The following SBF2 variants were observed in gnomAD, a reference collection of about 807,000 sequenced individuals.
The protein encoded by SBF2 is myotubularin-related protein 13.
SBF2 carries 112 observed loss-of-function variants against 225.2 expected under a neutral mutation model. That is an observed-to-expected ratio of 0.50 (90% confidence interval 0.43 to 0.58). The LOEUF is 0.58. SBF2 is among the 20% of genes least tolerant of loss of function. The probability of loss-of-function intolerance (pLI) is 0.00; values close to 1 mark genes in which losing one functional copy is unlikely to be tolerated. For missense variants in SBF2, 1,996 were observed against 2,206.2 expected (o/e 0.90, Z 1.91); for synonymous variants, 763 against 773.3 (o/e 0.99, Z 0.22).
At chr11:10,257,109 G>A (rs1189019543) in intron 1 of SBF2, among the ~76,000 whole-genome samples, 1 of 152,164 alleles carries the variant, frequency 6.6e-6, no homozygotes, top group African/African-American at 2.4e-5. Flanking sequence ...GAAAGGTTAA[G>A]TTCTTATCCA....
At chr11:10,098,591 G>T (rs1435873843) in intron 2 of SBF2, among the ~76,000 whole-genome samples, 1 of 150,550 alleles carries the variant, frequency 6.6e-6, no homozygotes, top group Non-Finnish European at 1.5e-5. Flanking sequence ...CATAATAATT[G>T]TTTAACAAGC....
At chr11:10,182,988 G>C (rs1319982621) in intron 2 of SBF2, among the ~76,000 whole-genome samples, 1 of 151,926 alleles carries the variant, frequency 6.6e-6, no homozygotes, top group African/African-American at 2.4e-5. Flanking sequence ...GGCCAGGATG[G>C]TCTTGATCTC....
chr11:9,980,610 G>A (rs1180013743), intron 13 of SBF2, among the ~76,000 whole-genome samples: 2 of 150,098 alleles, frequency 1.3e-5, no homozygotes, highest in African/African-American at 2.5e-5. Flanking sequence ...TTTTTAAGAC[G>A]GAGTCTCACT....
chr11:9,993,287 T>C (rs1411698184), intron 10 of SBF2, among the ~76,000 whole-genome samples, 184 bp from the exon 11 acceptor site: 5 of 152,212 alleles, frequency 3.3e-5, no homozygotes, highest in Admixed American at 6.5e-5. Flanking sequence ...CCAGCTTTTA[T>C]TGGAATCACA....
intron 15 of SBF2, among the ~76,000 whole-genome samples, chr11:9,963,120 T>A (rs544256026): frequency 6.6e-6 from 1 of 152,340 alleles, no homozygotes; most frequent in Admixed American, 6.5e-5. Context: ...GTTCCTATAA[T>A]TCATTACATA....
At chr11:10,068,611 T>G (rs571104460) in intron 2 of SBF2, among the ~76,000 whole-genome samples, 13 of 152,300 alleles carry the variant, frequency 8.5e-5, no homozygotes, top group African/African-American at 2.9e-4. Context: ...TACGTAGCTT[T>G]TATAAAAAAC....
At chr11:10,278,655 C>T (rs990867310) in intron 1 of SBF2, among the ~76,000 whole-genome samples, 26 of 151,524 alleles carry the variant, frequency 1.7e-4, no homozygotes, top group African/African-American at 6.3e-4. Flanking sequence ...TGGTGGCAGG[C>T]GCCTGTAATC....
chr11:10,003,544 T>C (rs1208948762), intron 6 of SBF2, among the ~76,000 whole-genome samples: 16 of 152,026 alleles, frequency 1.1e-4, no homozygotes. Context: ...ATTTTTTCTA[T>C]TTTTAGTAGA....
intron 2 of SBF2, among the ~76,000 whole-genome samples, chr11:10,058,455 AC>A (rs1300876491): frequency 6.6e-6 from 1 of 152,222 alleles, no homozygotes; most frequent in Non-Finnish European, 1.5e-5. Flanking sequence ...AGATGGTCAG[AC>A]AAAAATAAGG....
chr11:9,936,004 T>A (rs1334565591), intron 16 of SBF2, among the ~76,000 whole-genome samples: 2 of 152,026 alleles, frequency 1.3e-5, no homozygotes, highest in Non-Finnish European at 2.9e-5. Context: ...GAAACTACCA[T>A]CAGAGTGAAT....
At position 9,963,805 on chromosome 11, in the gene SBF2, T is replaced by A. The variant is rs1283360972; in HGVS notation, c.1678A>T (p.Ile560Leu). 6.2e-7 allele frequency: 1 copy of A among 1,602,688 alleles called. No homozygotes were observed. Among genetic ancestry groups the A allele is most frequent in the South Asian group, 1.1e-5 (1 of 90,366 alleles). ...GTTTCCAAAATTTTATTTTCAAATA[T>A]GAATGAGATACAGTTTCTGACAACT... Reference protein sequence around the residue: ...LEVVRNCISFIFENKILETEK... With the variant: ...LEVVRNCISFLFENKILETEK... Residue 560 changes from isoleucine (I) to leucine (L), a missense_variant, in exon 15 of 40, where the codon ATA becomes TTA. Transcript: ENST00000256190.
chr11:10,254,900 C>CAAAAAAAAAAAAAAAAAAAA lies in SBF2; in HGVS notation c.55+39095_55+39114dup, dbSNP rs71034757. On this transcript the variant is annotated intron_variant, in intron 1 of 39. Transcript: ENST00000256190. ...TGGGTGACAGAGTGAGACTCTGTCT[C>CAAAAAAAAAAAAAAAAAAAA]AAAAAAAAAAAAAAAAAAAAAAAAA... Among the ~76,000 whole-genome samples, 34 of 44,076 alleles carry CAAAAAAAAAAAAAAAAAAAA rather than the reference C, an allele frequency of 7.7e-4. 1 individual carries two copies. Among genetic ancestry groups the CAAAAAAAAAAAAAAAAAAAA allele is most frequent in the East Asian group, 9.3e-4 (1 of 1,070 alleles). 28.9% of individuals were successfully genotyped at this position (44,076 alleles called of 152,430 possible). A position where few individuals can be genotyped will look rare whatever the true frequency, so the allele number is the denominator to read the frequency against.
intron 13 of SBF2, among the ~76,000 whole-genome samples, chr11:9,984,687 CA>C (rs1269112658): frequency 3.3e-5 from 5 of 152,170 alleles, no homozygotes; most frequent in Non-Finnish European, 1.5e-5. Context: ...ACAGAAGCAA[CA>C]GGTAACCTAT....
intron 16 of SBF2, chr11:9,959,126 C>T: frequency 9.4e-7 from 1 of 1,061,302 alleles, no homozygotes; most frequent in Non-Finnish European, 1.5e-6. Flanking sequence ...TCTTCACATA[C>T]ACGATGTAAG....
At chr11:9,897,229 C>T (rs754426113) in intron 16 of SBF2, among the ~76,000 whole-genome samples, 1 of 151,516 alleles carries the variant, frequency 6.6e-6, no homozygotes, top group Admixed American at 6.6e-5. Context: ...ACCACATGGA[C>T]ATTATGTTAG....
chr11:9,809,033 C>T, intron 30 of SBF2, 31 bp from the exon 31 acceptor site: 2 of 1,563,006 alleles, frequency 1.3e-6, no homozygotes, highest in Non-Finnish European at 8.8e-7. Flanking sequence ...CACAATTAGA[C>T]CAAGCGCTTT....
At chr11:10,205,492 C>T (rs1957722973) in intron 1 of SBF2, among the ~76,000 whole-genome samples, 2 of 151,700 alleles carry the variant, frequency 1.3e-5, no homozygotes, top group South Asian at 4.2e-4. Flanking sequence ...AATGGCAGGA[C>T]ATCTTACCTA....
chr11:9,855,785 T>C (rs1401073733), intron 19 of SBF2, among the ~76,000 whole-genome samples: 1 of 152,176 alleles, frequency 6.6e-6, no homozygotes, highest in Non-Finnish European at 1.5e-5. Flanking sequence ...GCAAGTAACA[T>C]TTGAGCAGAG....
upstream of SBF2, among the ~76,000 whole-genome samples, chr11:10,296,061 C>T (rs1222103746): frequency 6.6e-6 from 1 of 152,158 alleles, no homozygotes; most frequent in East Asian, 1.9e-4. Context: ...CTCCCACAGC[C>T]CCTGGCAATC....
Sources: allele counts gnomAD v4.1 joint callset (sites outside exome capture counted in the v4.1 genomes callset), GRCh38; gene constraint gnomAD v4.1.1; transcripts MANE v1.5; gene names NCBI Gene and HGNC (gene_info 2026-07-23, HGNC 2026-07-21).